The following NDUFB3 variants were observed in gnomAD, a reference collection of about 807,000 sequenced individuals.
The protein encoded by NDUFB3 is NADH dehydrogenase [ubiquinone] 1 beta subcomplex subunit 3.
In NDUFB3, 7 loss-of-function variants were observed where a neutral mutation model predicts 9.0. The observed-to-expected ratio is 0.78, with a 90% CI of 0.44 to 1.46. The LOEUF (loss-of-function observed/expected upper bound fraction) is 1.46, where lower values mean the gene tolerates loss of function less well. Among genes scored for constraint, NDUFB3 ranks in the 40% most tolerant of loss-of-function variants. NDUFB3 has a pLI of 0.01. For missense variants in NDUFB3, 93 were observed against 115.4 expected, an observed-to-expected ratio of 0.81 and a Z score of 0.89; for synonymous variants, 29 against 38.5, an observed-to-expected ratio of 0.75 and a Z score of 0.91.
chr2:201,074,021 C>T (rs573268682), intron 1 of NDUFB3, among the ~76,000 whole-genome samples: 1 of 152,122 alleles, frequency 6.6e-6, no homozygotes, highest in Admixed American at 6.5e-5. Context: ...GGCGCGATCT[C>T]GGCTTAGTGC....
At chr2:201,073,027 G>T (rs746222944) in intron 1 of NDUFB3, among the ~76,000 whole-genome samples, 71 of 152,066 alleles carry the variant, frequency 4.7e-4, no homozygotes, top group Non-Finnish European at 7.8e-4. Flanking sequence ...TTTCATGGCG[G>T]GGGGTGTGAT....
intron 1 of NDUFB3, among the ~76,000 whole-genome samples, chr2:201,075,870 G>C (rs967343927): frequency 1.4e-4 from 21 of 152,056 alleles, no homozygotes; most frequent in African/African-American, 4.3e-4. Flanking sequence ...CAAATACACT[G>C]ATACTCAGGT....
At chr2:201,078,809 T>C in intron 1 of NDUFB3, 72 bp from the exon 2 acceptor site, 1 of 1,405,364 alleles carries the variant, frequency 7.1e-7, no homozygotes, top group Non-Finnish European at 9.7e-7. Flanking sequence ...CCTTAAAACA[T>C]AAACAATAAA....
At chr2:201,079,260 T>G (rs773620652) in intron 2 of NDUFB3, among the ~76,000 whole-genome samples, 1 of 151,580 alleles carries the variant, frequency 6.6e-6, no homozygotes, top group Non-Finnish European at 1.5e-5. Flanking sequence ...TTCTCTTGCC[T>G]CAGCCTCCCA....
rs1180051522 is a variant in NDUFB3, at chr2:201,078,873, C to G, written c.-2-8C>G. 6.3e-7 allele frequency: 1 copy of G among 1,599,878 alleles called. No individual in the cohort carries two copies. The highest frequency in any genetic ancestry group is 2.2e-5 in the East Asian group (1 of 44,450). ...TATTTCTCACTTGTGTTAATCTTTT[C>G]CTTACAGACATGGCCCATGAACATG... On this transcript the variant is annotated splice_polypyrimidine_tract_variant and splice_region_variant and intron_variant, in intron 1 of 2. Transcript: ENST00000237889.
chr2:201,083,285 C>A (rs1215512693), intron 2 of NDUFB3, among the ~76,000 whole-genome samples: 1 of 151,732 alleles, frequency 6.6e-6, no homozygotes, highest in Non-Finnish European at 1.5e-5. Flanking sequence ...CTCCTAGGTG[C>A]CTTTTATCAA....
intron 1 of NDUFB3, among the ~76,000 whole-genome samples, chr2:201,073,660 C>T (rs1166865565): frequency 1.3e-5 from 2 of 151,834 alleles, no homozygotes; most frequent in Admixed American, 1.3e-4. Flanking sequence ...CCCAGCTACT[C>T]GGTAGGCTGA....
At chr2:201,077,936 A>G (rs768971274) in intron 1 of NDUFB3, among the ~76,000 whole-genome samples, 1 of 152,194 alleles carries the variant, frequency 6.6e-6, no homozygotes, top group Non-Finnish European at 1.5e-5. Flanking sequence ...TTAAAACAGG[A>G]TGTATAACCT....
rs182554721 is a variant in NDUFB3, at chr2:201,083,637, G to A, written c.141-1822G>A. Among the ~76,000 whole-genome samples, 8 of 152,084 alleles carry A rather than the reference G, an allele frequency of 5.3e-5. No individual in the cohort carries two copies. The East Asian group carries it at 5.8e-4, about 11-fold the overall frequency. ...GCTGGGATTACAGGCCTGAGCCACC[G>A]TGCCCATCCTGTTATTACCATTAAT... On this transcript the variant is annotated intron_variant, in intron 2 of 2. Transcript: ENST00000237889.
intron 2 of NDUFB3, among the ~76,000 whole-genome samples, chr2:201,082,732 AGTCTCACTCT>A (rs2047241759): frequency 9.7e-6 from 1 of 102,732 alleles, no homozygotes; most frequent in Non-Finnish European, 1.8e-5. Context: ...TTTGAGACGG[AGTCTCACTCT>A]GTCGCCCAGG....
chr2:201,080,911 G>C (rs1035343704), intron 2 of NDUFB3, among the ~76,000 whole-genome samples: 1 of 151,344 alleles, frequency 6.6e-6, no homozygotes, highest in Non-Finnish European at 1.5e-5. Context: ...CACCGTGTTA[G>C]CCAGGATGGT....
chr2:201,077,485 T>C (rs2047176305), intron 1 of NDUFB3, among the ~76,000 whole-genome samples: 1 of 152,224 alleles, frequency 6.6e-6, no homozygotes, highest in South Asian at 2.1e-4. Flanking sequence ...CTAAGGTATC[T>C]GTTGGCCCAG....
intron 2 of NDUFB3, among the ~76,000 whole-genome samples, chr2:201,083,196 G>A (rs530138524): frequency 8.5e-5 from 13 of 152,166 alleles, no homozygotes; most frequent in African/African-American, 3.1e-4. Context: ...AATGAAAGTG[G>A]TGGACGTCCT....
chr2:201,080,700 T>C (rs1050095697), intron 2 of NDUFB3, among the ~76,000 whole-genome samples: 1 of 48,426 alleles, frequency 2.1e-5, no homozygotes, highest in Non-Finnish European at 3.6e-5. Context: ...GATCTCCAAC[T>C]TTTTTTTTTT....
At chr2:201,079,863 A>G (rs973278800) in intron 2 of NDUFB3, 6 of 152,234 alleles carry the variant, frequency 3.9e-5, no homozygotes, top group African/African-American at 9.6e-5. Context: ...AGAAACATAT[A>G]TACTAAAATT....
At chr2:201,074,526 G>A (rs1191124787) in intron 1 of NDUFB3, among the ~76,000 whole-genome samples, 3 of 143,058 alleles carry the variant, frequency 2.1e-5, no homozygotes, top group Non-Finnish European at 3.0e-5. Context: ...GCGCAATCTC[G>A]GCTCACTGCA....
rs142618951 is a variant in NDUFB3 at position 201,079,651 on chromosome 2, C to T, written c.140+629C>T. 7.7e-3 allele frequency among the ~76,000 whole-genome samples: 1,167 copies of T among 152,124 alleles called. 10 individuals are homozygous for T. Among genetic ancestry groups the T allele is most frequent in the African/African-American group, 0.026 (1,092 of 41,522 alleles). On this transcript the variant is annotated intron_variant, in intron 2 of 2. Coordinates refer to ENST00000237889, the MANE Select transcript of NDUFB3 (RefSeq NM_002491.3). Reference sequence around the variant, plus strand: ...AGAGACAGGGTTTTGCCATGTTGCCCGGGCTAGTCTCAAATTCCTGAGGTG... The same window carrying T: ...AGAGACAGGGTTTTGCCATGTTGCCTGGGCTAGTCTCAAATTCCTGAGGTG...
chr2:201,075,512 G>A (rs188529089), intron 1 of NDUFB3, among the ~76,000 whole-genome samples: 19 of 141,626 alleles, frequency 1.3e-4, no homozygotes, highest in African/African-American at 4.9e-4. Context: ...GTTGCAGTGA[G>A]CCAAGATTGC....
At chr2:201,083,156 G>A (rs1278436256) in intron 2 of NDUFB3, among the ~76,000 whole-genome samples, 2 of 151,264 alleles carry the variant, frequency 1.3e-5, no homozygotes, top group African/African-American at 2.4e-5. Flanking sequence ...TTGCATTTTT[G>A]TACTGGCTAA....
Sources: allele counts gnomAD v4.1 joint callset (sites outside exome capture counted in the v4.1 genomes callset), GRCh38; gene constraint gnomAD v4.1.1; transcripts MANE v1.5; gene names NCBI Gene and HGNC (gene_info 2026-07-23, HGNC 2026-07-21).